Variants in KALRN observed in about 807,000 individuals in gnomAD.
KALRN encodes the protein kalirin RhoGEF kinase, also known as kalirin.
A neutral mutation model predicts 353.7 loss-of-function variants in KALRN; 70 were observed. The observed-to-expected ratio is 0.20, with a 90% CI of 0.16 to 0.24. KALRN has a LOEUF of 0.24. Ranked by LOEUF, KALRN falls within the 10% of genes least tolerant of loss-of-function variation. The pLI is 1.00. For synonymous variants in KALRN, 1,391 were observed against 1,434.8 expected (o/e 0.97, Z 0.69); for missense variants, 2,791 against 3,756.7 (o/e 0.74, Z 6.72).
At position 124,719,035 on chromosome 3, in the gene KALRN, G is replaced by A. The variant is rs769473791; in HGVS notation, c.8526G>A (p.Gly2842=). Residue 2842 remains glycine (G), a synonymous_variant, in exon 60 of 60, where the codon GGG becomes GGA. Transcript: ENST00000682506. The surrounding 1 kb of genome is among the most constrained non-coding windows in gnomAD (Gnocchi z 5.3). ...SGHFHIHHLL[G]NPEFAAPEVI... Reference sequence around the variant, plus strand: ...ACTTCCACATTCACCACCTGCTGGGGAACCCTGAGTTTGCTGCCCCAGAAG... The same window carrying A: ...ACTTCCACATTCACCACCTGCTGGGAAACCCTGAGTTTGCTGCCCCAGAAG... 1.2e-6 allele frequency: 2 copies of A among 1,614,186 alleles called. No individual in the cohort carries two copies. Among genetic ancestry groups the A allele is most frequent in the South Asian group, 2.2e-5 (2 of 91,078 alleles).
chr3:124,561,988 G>T (rs1308015838), intron 33 of KALRN, among the ~76,000 whole-genome samples: 2 of 152,198 alleles, frequency 1.3e-5, no homozygotes, highest in Non-Finnish European at 2.9e-5. Context: ...TCAGCCAGTA[G>T]GGGTTGTTCC....
rs2087920497 is a variant in KALRN at position 124,384,648 on chromosome 3, C to A, written c.1771-197C>A. ...AGAAATCCCAGGGGTGGATGAGGCA[C>A]CTAGCTGGTGCCCGCCTGCAGGCTG... On this transcript the variant is annotated intron_variant, in intron 10 of 59. Transcript: ENST00000682506. 4 of 491,250 alleles carry A rather than the reference C, an allele frequency of 8.1e-6. No homozygotes were observed. The East Asian group carries it at 1.3e-4, about 16-fold the overall frequency. 30.4% of individuals were successfully genotyped at this position (491,250 alleles called of 1,614,324 possible). A position where few individuals can be genotyped will look rare whatever the true frequency, so the allele number is the denominator to read the frequency against.
chr3:124,141,911 T>C (rs144614719), intron 1 of KALRN, among the ~76,000 whole-genome samples: 8 of 152,328 alleles, frequency 5.3e-5, no homozygotes, highest in African/African-American at 7.2e-5. Context: ...GCTTTGGGGC[T>C]GGGAGGATCT....
intron 1 of KALRN, among the ~76,000 whole-genome samples, chr3:124,083,562 A>G (rs1425761883): frequency 5.3e-5 from 8 of 152,226 alleles, no homozygotes; most frequent in Admixed American, 5.2e-4. Context: ...TGTGCCAGAT[A>G]TTATTCTAAG....
At chr3:124,673,434 ATG>A (rs1398049076) in intron 48 of KALRN, among the ~76,000 whole-genome samples, 2 of 148,182 alleles carry the variant, frequency 1.3e-5, no homozygotes, top group Non-Finnish European at 3.0e-5. Flanking sequence ...TATATCCTGT[ATG>A]TATATACATA....
At chr3:124,396,491 C>T (rs2090175562) in intron 12 of KALRN, among the ~76,000 whole-genome samples, 1 of 152,180 alleles carries the variant, frequency 6.6e-6, no homozygotes, top group Non-Finnish European at 1.5e-5. Context: ...GGAAACTCCA[C>T]TGTCATTTGC....
chr3:124,601,797 A>G (rs940406092), intron 34 of KALRN, among the ~76,000 whole-genome samples: 3 of 152,134 alleles, frequency 2.0e-5, no homozygotes, highest in African/African-American at 4.8e-5. Context: ...TGGGAGGCCA[A>G]GGTGGGTGGA....
intron 1 of KALRN, among the ~76,000 whole-genome samples, chr3:124,154,390 G>A (rs1403223493): frequency 6.6e-6 from 1 of 152,164 alleles, no homozygotes; most frequent in Non-Finnish European, 1.5e-5. Context: ...ATCTCCTTAA[G>A]CTGATAAGCA....
At position 124,401,701 on chromosome 3, in the gene KALRN, G is replaced by A. The variant is rs146049344; in HGVS notation, c.2346+2830G>A. ...TCCTCTGGTGTAGGCTATAACGTCC[G>A]GATTTTACAAGGGGTCTTATTCCCT... On this transcript the variant is annotated intron_variant, in intron 13 of 59. Coordinates refer to ENST00000682506, the MANE Select transcript of KALRN (RefSeq NM_001388419.1). Among the ~76,000 whole-genome samples the A allele has an allele frequency of 3.0e-3, 462 of 152,122 alleles. 2 individuals carry two copies. Among genetic ancestry groups the A allele is most frequent in the African/African-American group, 0.01 (435 of 41,492 alleles).
intron 19 of KALRN, among the ~76,000 whole-genome samples, chr3:124,443,981 C>CT (rs1449395669): frequency 6.6e-6 from 1 of 152,220 alleles, no homozygotes; most frequent in Non-Finnish European, 1.5e-5. Flanking sequence ...TATCAGTTTC[C>CT]TTTTCACCTA....
At chr3:124,049,995 A>G (rs2040874673) in intron 1 of KALRN, among the ~76,000 whole-genome samples, 1 of 152,140 alleles carries the variant, frequency 6.6e-6, no homozygotes, top group East Asian at 1.9e-4. Flanking sequence ...TCAGTTGCTC[A>G]GATTTTTCTT....
Position 124,555,067 on chromosome 3 carries a change from T to C in KALRN, c.4936-7776T>C, listed in dbSNP as rs537963651. On this transcript the variant is annotated intron_variant, in intron 33 of 59. Transcript: ENST00000682506. The stretch of plus-strand genomic sequence containing the variant: ...ATAGAAGAGGGATCTAGGAGTCCCA[T>C]CTTCCTGTTTTAGCCCCACCTGTAG... Among the ~76,000 whole-genome samples the C allele has an allele frequency of 3.9e-5, 6 of 152,224 alleles. No homozygotes were observed. The East Asian group carries it at 1.2e-3, about 29-fold the overall frequency.
At chr3:124,046,687 C>T (rs1415683506) in intron 1 of KALRN, among the ~76,000 whole-genome samples, 1 of 152,156 alleles carries the variant, frequency 6.6e-6, no homozygotes, top group Non-Finnish European at 1.5e-5. Context: ...ATGAGGTGTG[C>T]ACTTCACTTG....
At chr3:124,692,084 G>A (rs898014899) in intron 51 of KALRN, among the ~76,000 whole-genome samples, 1 of 152,160 alleles carries the variant, frequency 6.6e-6, no homozygotes, top group Non-Finnish European at 1.5e-5. Flanking sequence ...GCTTTAGAGA[G>A]TTAAAAAAAA....
At chr3:124,236,737 TG>T (rs1474827975) in intron 3 of KALRN, among the ~76,000 whole-genome samples, 1 of 152,136 alleles carries the variant, frequency 6.6e-6, no homozygotes, top group Non-Finnish European at 1.5e-5. Flanking sequence ...AGATTTCCGC[TG>T]GGGTGAAGGG....
chr3:124,554,804 G>A (rs1220962256), intron 33 of KALRN, among the ~76,000 whole-genome samples: 2 of 152,218 alleles, frequency 1.3e-5, no homozygotes, highest in Non-Finnish European at 2.9e-5. Flanking sequence ...AGTTCTCACT[G>A]TGAAGTGATC....
chr3:124,502,071 C>G (rs2064642373), intron 33 of KALRN, among the ~76,000 whole-genome samples: 1 of 152,114 alleles, frequency 6.6e-6, no homozygotes, highest in Non-Finnish European at 1.5e-5. Context: ...GGACAGATGA[C>G]TGAGAGAAAA....
chr3:124,246,454 C>T (rs1401770780), intron 3 of KALRN, among the ~76,000 whole-genome samples: 2 of 152,048 alleles, frequency 1.3e-5, no homozygotes, highest in Non-Finnish European at 2.9e-5. Flanking sequence ...CTAAAAAGGG[C>T]TTGCTTGTTT....
At position 124,112,893 on chromosome 3, in the gene KALRN, T is replaced by C. The variant is rs149360246; in HGVS notation, c.73+79080T>C. Reference sequence around the variant, plus strand: ...GAATTGAAAGTGTATCTACATGTACTTGTAGATATACTTTCATGTACTACA... The same window carrying C: ...GAATTGAAAGTGTATCTACATGTACCTGTAGATATACTTTCATGTACTACA... On this transcript the variant is annotated intron_variant, in intron 1 of 59. Transcript: ENST00000682506. Among the ~76,000 whole-genome samples, 657 of 152,276 alleles carry C rather than the reference T, an allele frequency of 4.3e-3. 14 individuals carry two copies. Among genetic ancestry groups the C allele is most frequent in the Admixed American group, 0.035 (539 of 15,300 alleles).
Sources: gnomAD v4.1 joint callset for allele counts (sites outside exome capture counted in the v4.1 genomes callset) on GRCh38, gnomAD v4.1.1 for gene constraint, Gnocchi (gnomAD v3.1) non-coding constraint, MANE v1.5 for transcripts, NCBI Gene and HGNC (gene_info 2026-07-23, HGNC 2026-07-21) for gene names.